The following GRID2 variants were observed in gnomAD, a reference collection of about 807,000 sequenced individuals.
The protein encoded by GRID2 is glutamate receptor ionotropic, delta-2.
A neutral mutation model predicts 114.8 loss-of-function variants in GRID2; 33 were observed. The ratio of observed to expected loss-of-function variants is 0.29; its 90% confidence interval spans 0.22 to 0.38. The LOEUF (loss-of-function observed/expected upper bound fraction) is 0.38, where lower values mean the gene tolerates loss of function less well. GRID2 is among the 10% of genes least tolerant of loss of function. The pLI is 1.00. For missense variants in GRID2, 1,184 were observed against 1,257.7 expected (o/e 0.94, Z 0.89); for synonymous variants, 505 against 449.9 (o/e 1.12, Z -1.55).
At chr4:92,638,236 T>G (rs1731168688) in intron 2 of GRID2, among the ~76,000 whole-genome samples, 1 of 151,550 alleles carries the variant, frequency 6.6e-6, no homozygotes, top group South Asian at 2.1e-4. Context: ...TTGCTGTTGC[T>G]CACATTTTAA....
At chr4:93,423,366 G>A (rs1232104940) in intron 10 of GRID2, among the ~76,000 whole-genome samples, 1 of 28,388 alleles carries the variant, frequency 3.5e-5, no homozygotes, top group African/African-American at 1.0e-4. Context: ...TTTTTTTTTT[G>A]AGACAGAGTC....
At chr4:92,700,692 A>T (rs1734631291) in intron 2 of GRID2, among the ~76,000 whole-genome samples, 1 of 152,134 alleles carries the variant, frequency 6.6e-6, no homozygotes, top group African/African-American at 2.4e-5. Context: ...TAGTATAGTT[A>T]ACAAAAACAT....
intron 2 of GRID2, chr4:92,823,159 G>A (rs1741412405): frequency 6.6e-6 from 1 of 152,188 alleles, no homozygotes; most frequent in South Asian, 2.1e-4. Flanking sequence ...CTTGGAGCTG[G>A]TTGAATTGTT....
intron 1 of GRID2, among the ~76,000 whole-genome samples, chr4:92,397,936 A>G (rs1357645085): frequency 7.5e-6 from 1 of 133,892 alleles, no homozygotes; most frequent in Non-Finnish European, 1.6e-5. Context: ...GGAAACTAGA[A>G]TCACTTGCAA....
chr4:92,947,459 A>G (rs1447333078), intron 2 of GRID2, among the ~76,000 whole-genome samples: 1 of 151,986 alleles, frequency 6.6e-6, no homozygotes, highest in Non-Finnish European at 1.5e-5. Flanking sequence ...TAGTAGTGAC[A>G]TATGTGCTAC....
chr4:92,474,369 A>G (rs971127522), intron 1 of GRID2, among the ~76,000 whole-genome samples: 2 of 152,100 alleles, frequency 1.3e-5, no homozygotes, highest in Admixed American at 6.6e-5. Flanking sequence ...TTGATGCTGA[A>G]TAACACCTGA....
intron 2 of GRID2, among the ~76,000 whole-genome samples, chr4:93,046,212 C>T (rs1726118552): frequency 6.6e-6 from 1 of 152,044 alleles, no homozygotes; most frequent in South Asian, 2.1e-4. Context: ...TTCTCACCTG[C>T]TCCTCTTTCC....
At chr4:93,808,947 G>A (rs1447848228) in exon 2 of GRID2, 1 of 152,226 alleles carries the variant, frequency 6.6e-6, no homozygotes, top group Non-Finnish European at 1.5e-5. Flanking sequence ...GGGCTGCCAA[G>A]GGAGATACCT....
intron 1 of GRID2, among the ~76,000 whole-genome samples, chr4:92,485,307 T>TATAC (rs1242653005): frequency 3.6e-5 from 1 of 27,880 alleles, no homozygotes; most frequent in African/African-American, 9.9e-5. Context: ...TGTGCATATA[T>TATAC]ATATATATAT....
intron 1 of GRID2, among the ~76,000 whole-genome samples, chr4:92,402,009 T>A (rs1316981865): frequency 6.6e-6 from 1 of 152,220 alleles, no homozygotes. Flanking sequence ...AATCCTTTGT[T>A]GTCATTTCAA....
At chr4:93,314,324 AAAAAAGAAG>A (rs1181024975) in intron 8 of GRID2, among the ~76,000 whole-genome samples, 2 of 150,122 alleles carry the variant, frequency 1.3e-5, no homozygotes, top group East Asian at 3.9e-4. Flanking sequence ...AAAAAAAAAA[AAAAAAGAAG>A]AAGAAGAAGA....
In GRID2 at chr4:92,706,284, C is replaced by T. The variant is rs374157492; in HGVS notation, c.244+115998C>T. On this transcript the variant is annotated intron_variant, in intron 2 of 15. Coordinates refer to ENST00000282020, the MANE Select transcript of GRID2 (RefSeq NM_001510.4). Reference sequence around the variant, plus strand: ...TATAGTTGTAAATATCAGGGTTATTCTAAAAAAAGATTGTCAACGGTTTAA... The same window carrying T: ...TATAGTTGTAAATATCAGGGTTATTTTAAAAAAAGATTGTCAACGGTTTAA... 4.6e-5 allele frequency among the ~76,000 whole-genome samples: 7 copies of T among 152,144 alleles called. No individual in the cohort carries two copies. The East Asian group carries it at 1.2e-3, about 25-fold the overall frequency.
chr4:93,057,815 A>G (rs770653976), intron 2 of GRID2, among the ~76,000 whole-genome samples: 3 of 151,880 alleles, frequency 2.0e-5, no homozygotes, highest in Non-Finnish European at 4.4e-5. Context: ...TTAAGTTTAT[A>G]TTTCAGGTAT....
At chr4:93,726,741 G>T (rs2110210203) in intron 14 of GRID2, among the ~76,000 whole-genome samples, 1 of 152,126 alleles carries the variant, frequency 6.6e-6, no homozygotes, top group African/African-American at 2.4e-5. Flanking sequence ...TATTCTCTTT[G>T]AAGCAATTGT....
intron 1 of GRID2, among the ~76,000 whole-genome samples, chr4:92,524,097 A>G (rs1724917627): frequency 6.6e-6 from 1 of 152,056 alleles, no homozygotes; most frequent in African/African-American, 2.4e-5. Context: ...AAGGAAAACT[A>G]TGTTTTTTGA....
chr4:92,789,296 T>TATTCATGTTGATTTAC (rs1279910812), intron 2 of GRID2, among the ~76,000 whole-genome samples: 1 of 151,920 alleles, frequency 6.6e-6, no homozygotes, highest in South Asian at 2.1e-4. Flanking sequence ...TGTTGATTTT[T>TATTCATGTTGATTTAC]ATTCATGTTG....
At chr4:92,339,838 AC>A (rs1221633886) in intron 1 of GRID2, among the ~76,000 whole-genome samples, 1 of 152,202 alleles carries the variant, frequency 6.6e-6, no homozygotes, top group Admixed American at 6.5e-5. Flanking sequence ...AAGTTATTCT[AC>A]ATGAGCTGCT....
intron 2 of GRID2, among the ~76,000 whole-genome samples, chr4:92,646,709 C>T (rs1731649149): frequency 6.6e-6 from 1 of 152,212 alleles, no homozygotes; most frequent in Admixed American, 6.5e-5. Flanking sequence ...AAACTATTTT[C>T]ATGGTGTCTA....
chr4:93,307,258 C>G (rs1755535663), intron 8 of GRID2, among the ~76,000 whole-genome samples: 1 of 151,338 alleles, frequency 6.6e-6, no homozygotes, highest in Non-Finnish European at 1.5e-5. Flanking sequence ...AAGAAATAAC[C>G]TATTGTGGTA....
Sources: allele counts gnomAD v4.1 joint callset (sites outside exome capture counted in the v4.1 genomes callset), GRCh38; gene constraint gnomAD v4.1.1; transcripts MANE v1.5; gene names NCBI Gene and HGNC (gene_info 2026-07-23, HGNC 2026-07-21).